Variants in SELENOF observed in about 807,000 individuals in gnomAD.
SELENOF encodes the protein selenoprotein F.
In SELENOF, 16 loss-of-function variants were observed where a neutral mutation model predicts 20.5. That is an observed-to-expected ratio of 0.78 (90% CI 0.53 to 1.19). SELENOF has a LOEUF of 1.19. Ranked by LOEUF, SELENOF falls within the 50% of genes most tolerant of loss-of-function variation. SELENOF has a pLI of 0.00. For synonymous variants in SELENOF, 78 were observed against 74.5 expected (o/e 1.05, Z -0.24); for missense variants, 215 against 194.2 (o/e 1.11, Z -0.64).
At chr1:86,897,666 T>C (rs1386233920) in intron 2 of SELENOF, among the ~76,000 whole-genome samples, 2 of 152,206 alleles carry the variant, frequency 1.3e-5, no homozygotes, top group Non-Finnish European at 2.9e-5. Context: ...TAACAGGTTC[T>C]TGCATTATTC....
chr1:86,908,155 T>C (rs1659878973), intron 1 of SELENOF, among the ~76,000 whole-genome samples: 1 of 152,210 alleles, frequency 6.6e-6, no homozygotes, highest in Non-Finnish European at 1.5e-5. Context: ...GATCTAGCTA[T>C]ATATTTTGTT....
chr1:86,878,644 T>C (rs1348512632), intron 3 of SELENOF, among the ~76,000 whole-genome samples: 2 of 152,106 alleles, frequency 1.3e-5, no homozygotes, highest in African/African-American at 4.8e-5. Flanking sequence ...ATTGCGCCAC[T>C]GCACTCCAGT....
At chr1:86,880,071 C>A (rs1659024846) in intron 3 of SELENOF, among the ~76,000 whole-genome samples, 1 of 152,092 alleles carries the variant, frequency 6.6e-6, no homozygotes, top group Non-Finnish European at 1.5e-5. Context: ...AAATTCCCAC[C>A]CGGCAAAGGA....
At chr1:86,880,517 T>C (rs1445431395) in intron 3 of SELENOF, 145 bp downstream of exon 3, 2 of 502,986 alleles carry the variant, frequency 4.0e-6, no homozygotes, top group East Asian at 7.0e-5. Context: ...ACCACTTCCA[T>C]GAAAACAAAT....
At position 86,899,594 on chromosome 1, in the gene SELENOF, A is replaced by AC. The variant is rs536329179; in HGVS notation, c.252+3686dup. Among the ~76,000 whole-genome samples, 423 of 135,816 alleles carry AC rather than the reference A, an allele frequency of 3.1e-3. 1 individual carries two copies. The highest frequency in any genetic ancestry group is 4.9e-3 in the Non-Finnish European group (311 of 63,720). The allele number at this position is 135,816 out of a possible 152,430, so 89.1% of individuals were successfully genotyped here. Reference sequence around the variant, plus strand: ...GGGCGGCTGGCCGGGCAGGGGGCTGACCCCCCAACCTCCCTCCCAGACGGG... The same window carrying AC: ...GGGCGGCTGGCCGGGCAGGGGGCTGACCCCCCCAACCTCCCTCCCAGACGGG... On this transcript the variant is annotated intron_variant, in intron 2 of 4. Transcript: ENST00000331835.
chr1:86,903,589 A>C, intron 1 of SELENOF, 141 bp from the exon 2 acceptor site: 1 of 637,854 alleles, frequency 1.6e-6, no homozygotes, highest in South Asian at 3.3e-5. Flanking sequence ...AATTCTTTTA[A>C]ATTTTAATTT....
chr1:86,868,497 A>G (rs1300201459), intron 3 of SELENOF, among the ~76,000 whole-genome samples: 1 of 152,188 alleles, frequency 6.6e-6, no homozygotes, highest in African/African-American at 2.4e-5. Flanking sequence ...ATAGGAAATT[A>G]AAAGAGATAA....
At chr1:86,893,900 T>C (rs1659453582) in intron 2 of SELENOF, among the ~76,000 whole-genome samples, 1 of 152,192 alleles carries the variant, frequency 6.6e-6, no homozygotes, top group Admixed American at 6.5e-5. Flanking sequence ...TATTCATAAA[T>C]TTATGTTATA....
At chr1:86,870,021 C>T (rs1440219087) in intron 3 of SELENOF, among the ~76,000 whole-genome samples, 1 of 152,160 alleles carries the variant, frequency 6.6e-6, no homozygotes, top group African/African-American at 2.4e-5. Flanking sequence ...GATCCGCCTG[C>T]CTTGGCCTCC....
chr1:86,887,295 A>G, intron 2 of SELENOF: 1 of 1,294,892 alleles, frequency 7.7e-7, no homozygotes, highest in Non-Finnish European at 1.0e-6. Context: ...ATTACTACTC[A>G]TCTTGGAGTG....
At chr1:86,863,657 C>G in intron 4 of SELENOF, 52 bp from the exon 5 acceptor site, 1 of 1,571,074 alleles carries the variant, frequency 6.4e-7, no homozygotes, top group South Asian at 1.1e-5. Context: ...ACAACCTTCT[C>G]AGCCTCATCT....
intron 1 of SELENOF, among the ~76,000 whole-genome samples, chr1:86,911,719 G>A (rs904151172): frequency 6.6e-6 from 1 of 151,872 alleles, no homozygotes; most frequent in Non-Finnish European, 1.5e-5. Context: ...CTGGCTTAGA[G>A]ATTTTTAAGG....
intron 2 of SELENOF, among the ~76,000 whole-genome samples, chr1:86,883,000 G>A (rs968108064): frequency 2.0e-5 from 3 of 151,862 alleles, no homozygotes; most frequent in African/African-American, 4.8e-5. Flanking sequence ...GGTGGCAGGC[G>A]CCTTAATCCC....
intron 1 of SELENOF, among the ~76,000 whole-genome samples, chr1:86,908,953 G>A (rs1210036817): frequency 6.6e-6 from 1 of 152,176 alleles, no homozygotes; most frequent in Non-Finnish European, 1.5e-5. Flanking sequence ...CAAATATGCA[G>A]TTATTAACTT....
At chr1:86,902,713 ACAG>A (rs2102125208) in intron 2 of SELENOF, among the ~76,000 whole-genome samples, 1 of 152,348 alleles carries the variant, frequency 6.6e-6, no homozygotes, top group East Asian at 1.9e-4. Context: ...ATTTGTTTGA[ACAG>A]CAGGTTTTAA....
chr1:86,903,166 C>T, intron 2 of SELENOF, 115 bp downstream of exon 2: 1 of 899,076 alleles, frequency 1.1e-6, no homozygotes. Context: ...TTGAGTTTTA[C>T]TAAAAAATGT....
intron 2 of SELENOF, among the ~76,000 whole-genome samples, chr1:86,890,812 C>T (rs1033650749): frequency 2.0e-5 from 3 of 151,964 alleles, no homozygotes; most frequent in Admixed American, 6.6e-5. Context: ...GCCTGGCCTA[C>T]GCATTAATAT....
intron 4 of SELENOF, among the ~76,000 whole-genome samples, chr1:86,867,490 TCAACAACAACAA>T (rs71082044): frequency 1.2e-4 from 17 of 147,804 alleles, no homozygotes; most frequent in African/African-American, 3.3e-4. Flanking sequence ...AGACTCCGTC[TCAACAACAACAA>T]CAACAACAAC....
intron 1 of SELENOF, among the ~76,000 whole-genome samples, chr1:86,905,057 A>C (rs898728966): frequency 6.6e-6 from 1 of 152,180 alleles, no homozygotes; most frequent in African/African-American, 2.4e-5. Flanking sequence ...ACTGAAACTT[A>C]TATTTTTCTT....
Sources: allele counts gnomAD v4.1 joint callset (sites outside exome capture counted in the v4.1 genomes callset), GRCh38; gene constraint gnomAD v4.1.1; transcripts MANE v1.5; gene names NCBI Gene and HGNC (gene_info 2026-07-23, HGNC 2026-07-21).